ASIC2: variants seen among roughly 807,000 people sequenced by gnomAD.
ASIC2 encodes acid sensing ion channel subunit 2.
ASIC2 carries 25 observed loss-of-function variants against 57.3 expected under a neutral mutation model. That is an observed-to-expected ratio of 0.44 (90% CI 0.32 to 0.61). The LOEUF is 0.61. ASIC2 is among the 20% of genes least tolerant of loss of function. The pLI, the probability that ASIC2 is intolerant of heterozygous loss-of-function variation, is 0.06. For missense variants in ASIC2, 641 were observed against 738.1 expected (o/e 0.87, Z 1.52); for synonymous variants, 319 against 307.5 (o/e 1.04, Z -0.39).
At chr17:33,842,344 C>T (rs1205176974) in intron 1 of ASIC2, among the ~76,000 whole-genome samples, 1 of 152,162 alleles carries the variant, frequency 6.6e-6, no homozygotes, top group Non-Finnish European at 1.5e-5. Flanking sequence ...TCCAGGTTGC[C>T]TAGATTCCCC....
chr17:33,587,680 A>G (rs894597122), intron 1 of ASIC2, among the ~76,000 whole-genome samples: 4 of 152,358 alleles, frequency 2.6e-5, no homozygotes, highest in Non-Finnish European at 5.9e-5. Context: ...TGAGCAGAGA[A>G]GAAGGCAGAC....
chr17:33,198,529 A>G (rs184551660), intron 1 of ASIC2, among the ~76,000 whole-genome samples: 1 of 152,214 alleles, frequency 6.6e-6, no homozygotes, highest in Admixed American at 6.5e-5. Context: ...CTCCCACTAT[A>G]ATGGTTTCAA....
At chr17:34,069,547 C>T (rs901764571) in intron 1 of ASIC2, 1 of 152,178 alleles carries the variant, frequency 6.6e-6, no homozygotes, top group Non-Finnish European at 1.5e-5. Context: ...GATGCAGGAA[C>T]AGCCTCAAGC....
intron 1 of ASIC2, among the ~76,000 whole-genome samples, chr17:33,613,513 C>T (rs887891283): frequency 2.0e-5 from 3 of 151,902 alleles, no homozygotes; most frequent in East Asian, 1.9e-4. Context: ...TACAGGCACC[C>T]GCCACCACGC....
chr17:33,925,393 T>C (rs1251642066), intron 1 of ASIC2, among the ~76,000 whole-genome samples: 2 of 152,232 alleles, frequency 1.3e-5, no homozygotes, highest in South Asian at 2.1e-4. Context: ...CAAATGACCA[T>C]TGAGTCCCTG....
intron 1 of ASIC2, among the ~76,000 whole-genome samples, chr17:33,446,637 A>G (rs776173918): frequency 4.6e-5 from 7 of 151,940 alleles, no homozygotes; most frequent in Non-Finnish European, 8.8e-5. Flanking sequence ...TTTATAAAAC[A>G]CTCTCCTACC....
At chr17:33,372,661 C>T (rs1047626546) in intron 1 of ASIC2, among the ~76,000 whole-genome samples, 1 of 152,174 alleles carries the variant, frequency 6.6e-6, no homozygotes, top group African/African-American at 2.4e-5. Context: ...CTCTCATGCT[C>T]TCTTCCTGAG....
chr17:33,457,462 G>A lies in ASIC2; in HGVS notation c.556-345395C>T, dbSNP rs901907576. ...ATGATTTCAAGACAATTTATCACCA[G>A]AGCCAAAATAATAAATTGCCAATTG... On this transcript the variant is annotated intron_variant, in intron 1 of 9. Coordinates refer to the ASIC2 transcript ENST00000359872. Among the ~76,000 whole-genome samples the A allele has an allele frequency of 3.9e-5, 6 of 152,194 alleles. No individual in the cohort carries two copies. In the East Asian group the frequency reaches 1.2e-3, roughly 29 times the overall value.
intron 1 of ASIC2, among the ~76,000 whole-genome samples, chr17:33,602,700 C>T (rs1567666183): frequency 6.6e-6 from 1 of 152,220 alleles, no homozygotes; most frequent in Non-Finnish European, 1.5e-5. Context: ...TTCCCCTGTC[C>T]TTGCTCACTG....
At chr17:33,730,126 C>T (rs141190331) in intron 1 of ASIC2, among the ~76,000 whole-genome samples, 1 of 152,242 alleles carries the variant, frequency 6.6e-6, no homozygotes, top group African/African-American at 2.4e-5. Context: ...AGAAGAATGA[C>T]TTTTAATTAG....
intron 1 of ASIC2, among the ~76,000 whole-genome samples, chr17:33,496,976 C>T (rs1443389008): frequency 2.0e-5 from 3 of 152,028 alleles, no homozygotes; most frequent in African/African-American, 7.3e-5. Context: ...AGAATGGGAC[C>T]ATAGCTGTTT....
chr17:33,489,795 A>G (rs1470267439), intron 1 of ASIC2, among the ~76,000 whole-genome samples: 1 of 152,220 alleles, frequency 6.6e-6, no homozygotes, highest in African/African-American at 2.4e-5. Flanking sequence ...TTCACTGAGA[A>G]TTCCCCAGGA....
intron 1 of ASIC2, among the ~76,000 whole-genome samples, chr17:33,650,872 TGAAG>T (rs1194025531): frequency 5.3e-5 from 8 of 152,148 alleles, no homozygotes; most frequent in Non-Finnish European, 8.8e-5. Flanking sequence ...AAGGGTAACA[TGAAG>T]GATCCTTGTG....
At chr17:33,981,006 G>C (rs575387657) in intron 1 of ASIC2, among the ~76,000 whole-genome samples, 199 of 147,782 alleles carry the variant, frequency 1.3e-3, no homozygotes, top group African/African-American at 5.0e-3. Context: ...CACAATCTCA[G>C]CTCACTGCAA....
chr17:33,156,163 C>T lies in ASIC2; in HGVS notation c.709-44096G>A, dbSNP rs193183233. ...TTTTTTTTTTAACCGAGTCTCACTCCGTTGCCCAGGCTGGAGTGCAGTGGC... is the reference window on the plus strand; with the variant it reads ...TTTTTTTTTTAACCGAGTCTCACTCTGTTGCCCAGGCTGGAGTGCAGTGGC... On this transcript the variant is annotated intron_variant, in intron 1 of 9. Transcript: ENST00000225823. 1.6e-3 allele frequency among the ~76,000 whole-genome samples: 247 copies of T among 151,408 alleles called. 4 individuals carry two copies. Among genetic ancestry groups the T allele is most frequent in the Admixed American group, 0.016 (245 of 15,232 alleles).
chr17:34,002,342 T>A (rs985503828), intron 1 of ASIC2: 1 of 152,256 alleles, frequency 6.6e-6, no homozygotes, highest in Non-Finnish European at 1.5e-5. Flanking sequence ...CTTAGCAGCA[T>A]CATGCCAGTC....
At chr17:33,172,144 T>C (rs910051709) in intron 1 of ASIC2, among the ~76,000 whole-genome samples, 1 of 152,218 alleles carries the variant, frequency 6.6e-6, no homozygotes, top group Non-Finnish European at 1.5e-5. Context: ...CCCCTGATAG[T>C]ATAGTACTTG....
Position 33,817,259 on chromosome 17 carries a change from G to A in ASIC2, c.555+338719C>T, listed in dbSNP as rs577085453. On this transcript the variant is annotated intron_variant, in intron 1 of 9. Transcript: ENST00000359872. Reference sequence around the variant, plus strand: ...TTTAAACAACCTCATGCTCTGAGACGTGCTTTTGATGCTAGGTTTCCCTGA... The same window carrying A: ...TTTAAACAACCTCATGCTCTGAGACATGCTTTTGATGCTAGGTTTCCCTGA... Among the ~76,000 whole-genome samples, 221 of 152,336 alleles carry A rather than the reference G, an allele frequency of 1.5e-3. 2 individuals are homozygous for A. The highest frequency in any genetic ancestry group is 2.8e-3 in the Non-Finnish European group (190 of 68,022).
intron 1 of ASIC2, among the ~76,000 whole-genome samples, chr17:33,583,504 A>G (rs570864080): frequency 6.6e-6 from 1 of 152,292 alleles, no homozygotes; most frequent in Non-Finnish European, 1.5e-5. Flanking sequence ...TGCCCCAACC[A>G]TGACCTTCCT....
Sources: gnomAD v4.1 joint callset for allele counts (sites outside exome capture counted in the v4.1 genomes callset) on GRCh38, gnomAD v4.1.1 for gene constraint, MANE v1.5 for transcripts, NCBI Gene and HGNC (gene_info 2026-07-23, HGNC 2026-07-21) for gene names.